The following COLEC10 variants were observed in gnomAD, a reference collection of about 807,000 sequenced individuals.
COLEC10 encodes the protein collectin subfamily member 10.
In COLEC10, 22 loss-of-function variants were observed where a neutral mutation model predicts 28.4. The ratio of observed to expected loss-of-function variants is 0.78; its 90% CI spans 0.55 to 1.11. The LOEUF (loss-of-function observed/expected upper bound fraction) is 1.11, where lower values mean the gene tolerates loss of function less well. Among genes scored for constraint, COLEC10 ranks in the 50% least tolerant of loss-of-function variants. COLEC10 has a pLI of 0.00. For synonymous variants in COLEC10, 125 were observed against 116.1 expected, an observed-to-expected ratio of 1.08 and a Z score of -0.49; for missense variants, 361 against 344.1, an observed-to-expected ratio of 1.05 and a Z score of -0.39.
chr8:119,019,942 A>G (rs1389484840), intron 2 of COLEC10, among the ~76,000 whole-genome samples: 3 of 152,232 alleles, frequency 2.0e-5, no homozygotes, highest in African/African-American at 7.2e-5. Context: ...GAAAAAAAGT[A>G]TACAAGTTTA....
chr8:119,064,309 G>A (rs1814911694), upstream of COLEC10, among the ~76,000 whole-genome samples: 1 of 152,086 alleles, frequency 6.6e-6, no homozygotes, highest in South Asian at 2.1e-4. Flanking sequence ...AAAAGGAGGG[G>A]GGCAGAATAT....
chr8:119,101,481 C>G (rs555248753), intron 3 of COLEC10, among the ~76,000 whole-genome samples: 1 of 152,210 alleles, frequency 6.6e-6, no homozygotes, highest in South Asian at 2.1e-4. Context: ...TATTCTTTCT[C>G]TCTGCTTTAA....
At chr8:119,054,889 A>G (rs1814736300) in intron 2 of COLEC10, among the ~76,000 whole-genome samples, 1 of 152,106 alleles carries the variant, frequency 6.6e-6, no homozygotes, top group Non-Finnish European at 1.5e-5. Flanking sequence ...AGTCATTTAT[A>G]GGAACATAGA....
chr8:119,030,397 A>G (rs1814266798), intron 2 of COLEC10, among the ~76,000 whole-genome samples: 1 of 151,354 alleles, frequency 6.6e-6, no homozygotes. Flanking sequence ...GGGCATGATG[A>G]TTCATGCTGT....
chr8:119,030,913 A>G (rs1311737228), intron 2 of COLEC10, among the ~76,000 whole-genome samples: 1 of 152,110 alleles, frequency 6.6e-6, no homozygotes, highest in Non-Finnish European at 1.5e-5. Flanking sequence ...CCCACTGATG[A>G]CTCTGATGGA....
At position 119,107,647 on chromosome 8, in the gene COLEC10, CA is replaced by C. The variant is rs1175391608; in HGVS notation, c.*1457del. Among the ~76,000 whole-genome samples the C allele has an allele frequency of 5.9e-5, 9 of 152,138 alleles. No individual in the cohort carries two copies. The highest frequency in any genetic ancestry group is 1.3e-4 in the Non-Finnish European group (9 of 68,028). Reference sequence around the variant, plus strand: ...GTGGGTTCAACAAGGGCCATAAACTCAGATCCTACAGGGGCCAGGCAGATGA... The same window carrying C: ...GTGGGTTCAACAAGGGCCATAAACTCGATCCTACAGGGGCCAGGCAGATGA... On this transcript the variant is annotated 3_prime_UTR_variant, in exon 6 of 6. Coordinates refer to ENST00000332843, the MANE Select transcript of COLEC10 (RefSeq NM_006438.5).
At position 119,107,119 on chromosome 8, in the gene COLEC10, C is replaced by T. The variant is rs1815964696; in HGVS notation, c.*928C>T. 6.6e-6 allele frequency among the ~76,000 whole-genome samples: 1 copy of T among 152,112 alleles called. No individual in the cohort carries two copies. The highest frequency in any genetic ancestry group is 1.5e-5 in the Non-Finnish European group (1 of 68,010). ...GGAATGAGGGAAGGAGTTTGTGAAGCCTTAAGAAAATTCTGGAAGCTTCAA... is the reference window on the plus strand; with the variant it reads ...GGAATGAGGGAAGGAGTTTGTGAAGTCTTAAGAAAATTCTGGAAGCTTCAA... On this transcript the variant is annotated 3_prime_UTR_variant, in exon 6 of 6. Coordinates refer to ENST00000332843, the MANE Select transcript of COLEC10 (RefSeq NM_006438.5).
intron 2 of COLEC10, among the ~76,000 whole-genome samples, chr8:119,049,480 T>A (rs1221255325): frequency 7.5e-6 from 1 of 134,068 alleles, no homozygotes; most frequent in Non-Finnish European, 1.6e-5. Context: ...CGTGGCGCAA[T>A]CTGGGCTCAC....
chr8:119,091,801 ACAAGATGGCAGAAACAGAAT>A (rs1320091879), intron 3 of COLEC10, among the ~76,000 whole-genome samples: 1 of 152,196 alleles, frequency 6.6e-6, no homozygotes, highest in Admixed American at 6.5e-5. Context: ...ATAAAATGAA[ACAAGATGGCAGAAACAGAAT>A]CAAGCATCAA....
the COLEC10 span, among the ~76,000 whole-genome samples, chr8:118,964,784 A>T: frequency 6.6e-6 from 1 of 152,204 alleles, no homozygotes; most frequent in Non-Finnish European, 1.5e-5. Flanking sequence ...ACTTCTAAGT[A>T]AAGACATTTA....
chr8:119,102,605 C>A (rs1011876807), intron 4 of COLEC10: 1 of 486,528 alleles, frequency 2.1e-6, no homozygotes, highest in Non-Finnish European at 3.6e-6. Flanking sequence ...GATGATGACA[C>A]GTTTCATCCC....
At position 119,016,873 on chromosome 8, in the gene COLEC10, C is replaced by T. The variant is rs530732353; in HGVS notation, n.235+7320C>T. ...CTGGGACTACAGGTACCCACCACCA[C>T]GCCCAGCTAATTCTTGTATTTTTTG... is the stretch of plus-strand genomic sequence containing the variant. On this transcript the variant is annotated intron_variant and non_coding_transcript_variant, in intron 2 of 6. Coordinates refer to the COLEC10 transcript ENST00000521788. 1.5e-4 allele frequency among the ~76,000 whole-genome samples: 23 copies of T among 152,216 alleles called. No individual in the cohort carries two copies. The East Asian group carries it at 3.7e-3, about 24-fold the overall frequency.
intron 3 of COLEC10, among the ~76,000 whole-genome samples, chr8:119,100,743 A>G (rs1351953): frequency 0.12 from 18,823 of 152,096 alleles, 1,429 homozygotes; most frequent in South Asian, 0.17. Context: ...CTCTCTCACA[A>G]CATGTATCAC....
intron 2 of COLEC10, among the ~76,000 whole-genome samples, chr8:119,021,335 C>A (rs1385994971): frequency 6.6e-6 from 1 of 152,178 alleles, no homozygotes; most frequent in East Asian, 1.9e-4. Flanking sequence ...TGTAGCACTG[C>A]AGACTTCATA....
At chr8:119,007,899 C>A (rs1813833133) in intron 1 of COLEC10, among the ~76,000 whole-genome samples, 1 of 150,796 alleles carries the variant, frequency 6.6e-6, no homozygotes, top group Admixed American at 6.6e-5. Context: ...AATTAAATAT[C>A]TTCATAGGTT....
At chr8:118,956,166 C>CTCTTTTA in the COLEC10 span, among the ~76,000 whole-genome samples, 1 of 152,060 alleles carries the variant, frequency 6.6e-6, no homozygotes, top group Non-Finnish European at 1.5e-5. Flanking sequence ...TATAAGGGTA[C>CTCTTTTA]TAATCGTATT....
In COLEC10 at chr8:119,106,243, T is replaced by C. The variant is rs1273566665; in HGVS notation, c.*52T>C. The C allele has an allele frequency of 6.6e-7, 1 of 1,525,822 alleles. No individual in the cohort carries two copies. Among genetic ancestry groups the C allele is most frequent in the Non-Finnish European group, 8.9e-7 (1 of 1,128,700 alleles). 94.5% of individuals were successfully genotyped at this position (1,525,822 alleles called of 1,614,324 possible). ...TTTCCTGTGACCGTCATTACAGTTA[T>C]TGTTATCCATCCTTTTTTTCCTGAT... On this transcript the variant is annotated 3_prime_UTR_variant, in exon 6 of 6. Coordinates refer to ENST00000332843, the MANE Select transcript of COLEC10 (RefSeq NM_006438.5).
At chr8:119,037,932 A>C (rs2130144637) in intron 2 of COLEC10, among the ~76,000 whole-genome samples, 1 of 152,350 alleles carries the variant, frequency 6.6e-6, no homozygotes, top group East Asian at 1.9e-4. Context: ...AACTGCCTAA[A>C]GGGCTTGGAC....
chr8:118,967,122 TAACAC>T, the COLEC10 span, among the ~76,000 whole-genome samples: 1 of 152,094 alleles, frequency 6.6e-6, no homozygotes, highest in Admixed American at 6.6e-5. Context: ...CATATTAGAG[TAACAC>T]AGGGTGATTT....
Sources: gnomAD v4.1 joint callset for allele counts (sites outside exome capture counted in the v4.1 genomes callset) on GRCh38, gnomAD v4.1.1 for gene constraint, MANE v1.5 for transcripts, NCBI Gene and HGNC (gene_info 2026-07-23, HGNC 2026-07-21) for gene names.